CEP350: variants seen among roughly 807,000 people sequenced by gnomAD.
CEP350 encodes the protein centrosome-associated protein 350.
In CEP350, 126 loss-of-function variants were observed where a neutral mutation model predicts 331.8. That is an observed-to-expected ratio of 0.38 (90% CI 0.33 to 0.44). The LOEUF is 0.44. CEP350 is among the 20% of genes least tolerant of loss of function. The pLI, the probability that CEP350 is intolerant of heterozygous loss-of-function variation, is 1.00. For missense variants in CEP350, 3,406 were observed against 3,634.6 expected, an observed-to-expected ratio of 0.94 and a Z score of 1.62; for synonymous variants, 1,200 against 1,259.5, an observed-to-expected ratio of 0.95 and a Z score of 1.00.
At chr1:180,087,502 A>G in intron 31 of CEP350, 76 bp from the exon 32 acceptor site, 1 of 1,328,090 alleles carries the variant, frequency 7.5e-7, no homozygotes, top group Non-Finnish European at 1.0e-6. Flanking sequence ...ATTTTACCTT[A>G]AAATATACTA....
intron 19 of CEP350, among the ~76,000 whole-genome samples, chr1:180,042,555 A>G (rs9286931): frequency 1.3e-5 from 2 of 151,784 alleles, no homozygotes; most frequent in Non-Finnish European, 1.5e-5. Flanking sequence ...CAAGAAAATT[A>G]AAATGTAGAC....
intron 1 of CEP350, among the ~76,000 whole-genome samples, chr1:179,975,396 C>T (rs545688891): frequency 3.6e-4 from 55 of 151,852 alleles, no homozygotes; most frequent in Non-Finnish European, 6.0e-4. Flanking sequence ...TGTTTTAGAA[C>T]GATAACTTTG....
Position 180,093,252 on chromosome 1 carries a change from T to C in CEP350, c.7147T>C (p.Ser2383Pro). The C allele has an allele frequency of 6.2e-7, 1 of 1,601,762 alleles. No individual in the cohort carries two copies. Among genetic ancestry groups the C allele is most frequent in the Non-Finnish European group, 8.5e-7 (1 of 1,173,146 alleles). ...ATACTCTGAAGATTTTGAAGTGTCT[T>C]CTTTCAAGAAAGAAATTTCAGCTGA... is the stretch of plus-strand genomic sequence containing the variant. Reference protein sequence around the residue: ...IPYSEDFEVSSFKKEISAELY... With the variant: ...IPYSEDFEVSPFKKEISAELY... Residue 2383 changes from serine to proline, a missense_variant, in exon 34 of 38, where the codon TCT (serine) becomes CCT (proline). Physicochemically the swap from Ser to Pro is moderately conservative, Grantham distance 74. Around this residue, in one of 5 missense-constraint regions of CEP350, gnomAD observed 1,415 missense variants for 1,512.3 expected, o/e 0.94. Coordinates refer to ENST00000367607, the MANE Select transcript of CEP350 (RefSeq NM_014810.5).
chr1:180,081,881 A>G (rs556243862), intron 30 of CEP350, among the ~76,000 whole-genome samples: 1 of 152,336 alleles, frequency 6.6e-6, no homozygotes. Context: ...ATTCTTAGGA[A>G]TAGAATCATT....
chr1:180,096,122 T>C lies in CEP350; in HGVS notation c.9004T>C (p.Cys3002Arg), dbSNP rs1255652310. The change falls in exon 36 of 38, where the codon TGT becomes CGT. Residue 3002 changes from cysteine to arginine, a missense_variant. Cys to Arg is a radical substitution (Grantham distance 180). This residue lies in a region of CEP350 where 1,415 missense variants were observed against 1,512.3 expected (regional missense o/e 0.94). Transcript: ENST00000367607. ...NLNQPVWMKPCRINSSYFRRV... is the reference protein window; with the variant it reads ...NLNQPVWMKPRRINSSYFRRV... ...AAATCAACCTGTCTGGATGAAGCCATGTAGAATCAACTCTAGTTATTTCCG... is the reference window on the plus strand; with the variant it reads ...AAATCAACCTGTCTGGATGAAGCCACGTAGAATCAACTCTAGTTATTTCCG... 1 of 1,565,966 alleles carries C rather than the reference T, an allele frequency of 6.4e-7. No homozygotes were observed. Among genetic ancestry groups the C allele is most frequent in the Admixed American group, 1.9e-5 (1 of 52,422 alleles).
At chr1:179,989,605 G>A (rs12133136) in intron 3 of CEP350, among the ~76,000 whole-genome samples, 12,679 of 150,146 alleles carry the variant, frequency 0.084, 701 homozygotes, top group Non-Finnish European at 0.12. Flanking sequence ...GTTTTTTGTT[G>A]TAAGCATGTA....
chr1:180,015,816 A>G, intron 10 of CEP350, 33 bp from the exon 11 acceptor site: 1 of 1,598,502 alleles, frequency 6.3e-7, no homozygotes, highest in South Asian at 1.1e-5. Flanking sequence ...TTTGTGACAG[A>G]ACTCATATAA....
intron 1 of CEP350, among the ~76,000 whole-genome samples, chr1:179,983,416 G>A (rs901130610): frequency 6.6e-6 from 1 of 151,944 alleles, no homozygotes; most frequent in Non-Finnish European, 1.5e-5. Context: ...TGTATTTTTA[G>A]TAGAGACAGG....
At chr1:179,959,931 C>A (rs1200036235) in intron 1 of CEP350, among the ~76,000 whole-genome samples, 1 of 136,134 alleles carries the variant, frequency 7.3e-6, no homozygotes, top group Non-Finnish European at 1.7e-5. Context: ...CTAAACTGTG[C>A]ACTGAAGTAA....
At chr1:180,007,272 T>C (rs894162484) in intron 8 of CEP350, among the ~76,000 whole-genome samples, 9 of 152,218 alleles carry the variant, frequency 5.9e-5, no homozygotes, top group Non-Finnish European at 1.0e-4. Context: ...CCAGCATCTG[T>C]TGTTTCCTGA....
chr1:180,001,702 G>T (rs951506302), intron 6 of CEP350, among the ~76,000 whole-genome samples: 1 of 152,194 alleles, frequency 6.6e-6, no homozygotes, highest in African/African-American at 2.4e-5. Flanking sequence ...CGTATAAACG[G>T]CAGCTTGCCC....
intron 1 of CEP350, among the ~76,000 whole-genome samples, chr1:179,973,592 G>A (rs1040238362): frequency 2.0e-5 from 3 of 151,994 alleles, no homozygotes; most frequent in Admixed American, 6.6e-5. Context: ...CTGATTTATT[G>A]CACATTAATG....
At chr1:180,029,525 C>T (rs1036696102) in intron 14 of CEP350, among the ~76,000 whole-genome samples, 5 of 152,128 alleles carry the variant, frequency 3.3e-5, no homozygotes, top group Non-Finnish European at 7.3e-5. Context: ...GCATTAAGCA[C>T]GTTTATACTG....
At chr1:180,066,380 G>T (rs1658549466) in intron 27 of CEP350, among the ~76,000 whole-genome samples, 1 of 152,270 alleles carries the variant, frequency 6.6e-6, no homozygotes, top group Middle Eastern at 3.4e-3. Context: ...ACTGCAGATT[G>T]AATTTAAGTT....
chr1:179,997,368 T>A (rs1362830622), intron 6 of CEP350, among the ~76,000 whole-genome samples, 193 bp downstream of exon 6: 1 of 151,798 alleles, frequency 6.6e-6, no homozygotes, highest in East Asian at 1.9e-4. Context: ...GGTGAAACCC[T>A]GTCTCTACTA....
chr1:180,104,334 T>C (rs1351822210), intron 37 of CEP350, among the ~76,000 whole-genome samples: 4 of 151,946 alleles, frequency 2.6e-5, no homozygotes, highest in Non-Finnish European at 5.9e-5. Context: ...GACAGCCCAA[T>C]ACTATAGATA....
chr1:180,043,186 C>G lies in CEP350; in HGVS notation c.4493C>G (p.Thr1498Arg). 6.2e-7 allele frequency: 1 copy of G among 1,611,294 alleles called. No homozygotes were observed. Among genetic ancestry groups the G allele is most frequent in the Non-Finnish European group, 8.5e-7 (1 of 1,178,810 alleles). ...AAACAGCTGAGGACCAGAACTGAAA[C>G]AGATAGGTTAATATTCATTCAGTCA... The part of the protein sequence containing the change: ...FVKQLRTRTE[T>R]DRKSPSVSLS... The change falls in exon 20 of 38, where the codon ACA (threonine) becomes AGA (arginine). Residue 1498 changes from threonine (T) to arginine (R), a missense_variant. Coordinates refer to ENST00000367607, the MANE Select transcript of CEP350 (RefSeq NM_014810.5).
chr1:180,041,776 A>G lies in CEP350; in HGVS notation c.4336A>G (p.Thr1446Ala), dbSNP rs16855164. ...GCAGTCAGAAACTGCTCGCCTCACC[A>G]CAGACGCAGCACGTCAAATCTGTGA... ...AQQSETARLT[T>A]DAARQICEMA... Residue 1446 changes from threonine to alanine, a missense_variant, in exon 19 of 38, where the codon ACA (threonine) becomes GCA (alanine). Physicochemically the swap from Thr to Ala is moderately conservative, Grantham distance 58. This residue lies in a region of CEP350 where 1,857 missense variants were observed against 1,909.2 expected (regional missense o/e 0.97). Transcript: ENST00000367607. 0.074 allele frequency: 118,620 copies of G among 1,612,330 alleles called. 5,490 individuals carry two copies. Among genetic ancestry groups the G allele is most frequent in the East Asian group, 0.21 (9,579 of 44,816 alleles).
At position 180,036,952 on chromosome 1, in the gene CEP350, C is replaced by T. The variant is rs1227546954; in HGVS notation, c.3973C>T (p.Leu1325Phe). ...PGSKRFSPAG[L>F]HHRMAAELSY... ...TTCTAAGCGCTTTTCTCCTGCTGGC[C>T]TCCATCATCGTATGGCAGCAGAACT... is the stretch of plus-strand genomic sequence containing the variant. Residue 1325 changes from leucine to phenylalanine, a missense_variant, in exon 17 of 38, where the codon CTC becomes TTC. Around this residue, in one of 5 missense-constraint regions of CEP350, gnomAD observed 1,857 missense variants for 1,909.2 expected, o/e 0.97. Coordinates refer to ENST00000367607, the MANE Select transcript of CEP350 (RefSeq NM_014810.5). The T allele has an allele frequency of 6.3e-7, 1 of 1,582,884 alleles. No individual in the cohort carries two copies. The highest frequency in any genetic ancestry group is 8.6e-7 in the Non-Finnish European group (1 of 1,166,106).
Sources: allele counts gnomAD v4.1 joint callset (sites outside exome capture counted in the v4.1 genomes callset), GRCh38; gene constraint gnomAD v4.1.1; regional missense constraint gnomAD v4.1.1; transcripts MANE v1.5; gene names NCBI Gene and HGNC (gene_info 2026-07-23, HGNC 2026-07-21).